DMD: variants seen among roughly 807,000 people sequenced by gnomAD.
DMD encodes dystrophin.
DMD carries 63 observed loss-of-function variants against 330.1 expected under a neutral mutation model. That is an observed-to-expected ratio of 0.19 (90% CI 0.16 to 0.24). The LOEUF is 0.24. Among genes scored for constraint, DMD ranks in the 10% least tolerant of loss-of-function variants. The pLI, the probability that DMD is intolerant of heterozygous loss-of-function variation, is 1.00. For synonymous variants in DMD, 1,223 were observed against 959.8 expected, an observed-to-expected ratio of 1.27 and a Z score of -5.07; for missense variants, 3,344 against 2,684.1, an observed-to-expected ratio of 1.25 and a Z score of -5.43.
chrX:31,123,212 C>CT (rs1328945921), intron 78 of DMD, among the ~76,000 whole-genome samples: 1 of 111,099 alleles, frequency 9.0e-6, no homozygotes, highest in Non-Finnish European at 1.9e-5. Flanking sequence ...ACCAGATCAA[C>CT]TGAAGACTTA....
At chrX:32,644,025 C>T in intron 11 of DMD, 107 bp downstream of exon 11, 1 of 702,582 alleles carries the variant, frequency 1.4e-6, no homozygotes, top group Non-Finnish European at 2.1e-6. Context: ...AGCTGTGTGC[C>T]TTGGGAACAA....
Position 32,980,264 on chromosome X carries a change from G to A in DMD, c.93+39875C>T, listed in dbSNP as rs189597914. 3.6e-3 allele frequency among the ~76,000 whole-genome samples: 379 copies of A among 105,786 alleles called. 2 individuals carry two copies. Among genetic ancestry groups the A allele is most frequent in the African/African-American group, 0.012 (355 of 28,836 alleles). 91.9% of individuals were successfully genotyped at this position (105,786 alleles called of 115,157 possible). A position where few individuals can be genotyped will look rare whatever the true frequency, so the allele number is the denominator to read the frequency against. On this transcript the variant is annotated intron_variant, in intron 2 of 78. Transcript: ENST00000357033. ...GCCTGTAATCCCAGCTACTCGGGAGGCTGAGGCGCGAGGAATGCTTGAACC... is the reference window on the plus strand; with the variant it reads ...GCCTGTAATCCCAGCTACTCGGGAGACTGAGGCGCGAGGAATGCTTGAACC...
At chrX:32,624,869 ACT>A (rs757846401) in intron 11 of DMD, among the ~76,000 whole-genome samples, 20 of 111,854 alleles carry the variant, frequency 1.8e-4, no homozygotes, top group Admixed American at 1.9e-4. Flanking sequence ...CTTTACAGAA[ACT>A]CTGTTAGAAT....
chrX:33,289,421 T>C (rs187579223), intron 1 of DMD, among the ~76,000 whole-genome samples: 1,392 of 111,289 alleles, frequency 0.013, 10 homozygotes, highest in Non-Finnish European at 0.02. Context: ...AGAAAGACAC[T>C]ATTTACATTC....
chrX:31,293,448 ACAC>A (rs1005069442), intron 62 of DMD, among the ~76,000 whole-genome samples: 2 of 111,304 alleles, frequency 1.8e-5, no homozygotes, highest in African/African-American at 6.6e-5. Context: ...ATTCAATACA[ACAC>A]ATTACTGAAA....
At chrX:31,629,149 A>G (rs989433355) in intron 54 of DMD, among the ~76,000 whole-genome samples, 1 of 111,398 alleles carries the variant, frequency 9.0e-6, no homozygotes, top group Non-Finnish European at 1.9e-5. Context: ...ATTAAACATA[A>G]GCTAAAAATG....
rs755593494 is a variant in DMD at position 31,671,721 on chromosome X, TC to T, written c.7872+7653del. Among the ~76,000 whole-genome samples the T allele has an allele frequency of 5.4e-5, 6 of 112,143 alleles. No homozygotes were observed. The South Asian group carries it at 2.2e-3, about 41-fold the overall frequency. On this transcript the variant is annotated intron_variant, in intron 53 of 78. Transcript: ENST00000357033. ...GTTGTTCATAATATCCTCTTTTACTTCTTTTTATTTCTGTAATGTTGGTAGT... is the reference window on the plus strand; with the variant it reads ...GTTGTTCATAATATCCTCTTTTACTTTTTTTATTTCTGTAATGTTGGTAGT...
intron 50 of DMD, among the ~76,000 whole-genome samples, chrX:31,797,304 A>G (rs2091876130): frequency 9.0e-6 from 1 of 110,976 alleles, no homozygotes; most frequent in Non-Finnish European, 1.9e-5. Flanking sequence ...GGAAGTGACC[A>G]CAGAGATCAC....
At chrX:31,665,625 G>A (rs1010437241) in intron 53 of DMD, among the ~76,000 whole-genome samples, 2 of 111,154 alleles carry the variant, frequency 1.8e-5, no homozygotes, top group Middle Eastern at 4.2e-3. Context: ...CTCATTTTCC[G>A]GCTTACTGAA....
chrX:32,720,802 T>G (rs1435281521), intron 7 of DMD, among the ~76,000 whole-genome samples: 1 of 111,522 alleles, frequency 9.0e-6, no homozygotes, highest in Non-Finnish European at 1.9e-5. Flanking sequence ...AAAAAAGGGT[T>G]AGCTGTATAT....
chrX:32,299,591 C>T (rs2061249), intron 42 of DMD, among the ~76,000 whole-genome samples: 14,837 of 108,472 alleles, frequency 0.14, 1,005 homozygotes, highest in Non-Finnish European at 0.2. Context: ...AACTGTATAG[C>T]GTAGTGCTTA....
intron 2 of DMD, among the ~76,000 whole-genome samples, chrX:32,870,979 A>G (rs1257458276): frequency 2.4e-5 from 2 of 83,809 alleles, no homozygotes; most frequent in South Asian, 6.6e-4. Context: ...AAAAAAAAAA[A>G]AAAAAAAAAC....
In DMD at chrX:32,245,879, T is replaced by C. The variant is rs1476973488; in HGVS notation, c.6291-28816A>G. The stretch of plus-strand genomic sequence containing the variant: ...GATTTTGGGCTGAGACGATGGGGTT[T>C]TCTAGATAAACAATCATGTCGTCTG... On this transcript the variant is annotated intron_variant, in intron 43 of 78. Coordinates refer to ENST00000357033, the MANE Select transcript of DMD (RefSeq NM_004006.3). 6.4e-3 allele frequency among the ~76,000 whole-genome samples: 645 copies of C among 101,280 alleles called. 12 individuals are homozygous for C. The highest frequency in any genetic ancestry group is 0.023 in the African/African-American group (614 of 27,034). 87.9% of individuals were successfully genotyped at this position (101,280 alleles called of 115,157 possible). A position where few individuals can be genotyped will look rare whatever the true frequency, so the allele number is the denominator to read the frequency against.
At chrX:32,463,847 A>C (rs1339288574) in intron 24 of DMD, among the ~76,000 whole-genome samples, 1 of 111,933 alleles carries the variant, frequency 8.9e-6, no homozygotes, top group Non-Finnish European at 1.9e-5. Flanking sequence ...AAAGGAAATA[A>C]ATTTAATATT....
intron 9 of DMD, among the ~76,000 whole-genome samples, chrX:32,674,710 A>G (rs1276907970): frequency 2.7e-5 from 3 of 111,333 alleles, no homozygotes; most frequent in Admixed American, 9.6e-5. Flanking sequence ...TATTCTTTAC[A>G]TTTAGCTGTA....
chrX:31,393,105 A>G (rs1479576092), intron 60 of DMD, among the ~76,000 whole-genome samples: 1 of 112,056 alleles, frequency 8.9e-6, no homozygotes. Flanking sequence ...AACTGCATCT[A>G]AAATCAATTA....
chrX:33,060,528 G>A (rs991956390), intron 1 of DMD, among the ~76,000 whole-genome samples: 1 of 111,398 alleles, frequency 9.0e-6, no homozygotes, highest in African/African-American at 3.3e-5. Context: ...TTATGAAAAT[G>A]TGTTTCAAAA....
At chrX:31,334,230 G>A (rs1310885843) in intron 61 of DMD, among the ~76,000 whole-genome samples, 2 of 112,134 alleles carry the variant, frequency 1.8e-5, no homozygotes, top group African/African-American at 3.2e-5. Flanking sequence ...CACCGCGCCC[G>A]GCCCGAGATA....
chrX:32,579,705 C>T (rs1031718671), intron 13 of DMD, among the ~76,000 whole-genome samples: 1 of 112,822 alleles, frequency 8.9e-6, no homozygotes, highest in Admixed American at 9.3e-5. Context: ...GACACTGTAA[C>T]TCTGTATTTG....
Sources: gnomAD v4.1 joint callset for allele counts (sites outside exome capture counted in the v4.1 genomes callset) on GRCh38, gnomAD v4.1.1 for gene constraint, MANE v1.5 for transcripts, NCBI Gene and HGNC (gene_info 2026-07-23, HGNC 2026-07-21) for gene names.